The following ST3GAL4 variants were observed in gnomAD, a reference collection of about 807,000 sequenced individuals.
ST3GAL4 encodes the protein CMP-N-acetylneuraminate-beta-galactosamide-alpha-2,3-sialyltransferase 4.
In ST3GAL4, 24 loss-of-function variants were observed where a neutral mutation model predicts 42.6. That is an observed-to-expected ratio of 0.56 (90% CI 0.41 to 0.79). ST3GAL4 has a LOEUF of 0.79. Among genes scored for constraint, ST3GAL4 ranks in the 30% least tolerant of loss-of-function variants. ST3GAL4 has a pLI of 0.00. For missense variants in ST3GAL4, 311 were observed against 430.8 expected, an observed-to-expected ratio of 0.72 and a Z score of 2.46; for synonymous variants, 135 against 163.2, an observed-to-expected ratio of 0.83 and a Z score of 1.32.
rs1952933686 is a variant in ST3GAL4 at position 126,379,820 on chromosome 11, A to G, written c.-61+23978A>G. Reference sequence around the variant, plus strand: ...AATCACATGTGGATTGACAAGTCCAAAACTCTAAGAGAGCTCTCATTAGCT... The same window carrying G: ...AATCACATGTGGATTGACAAGTCCAGAACTCTAAGAGAGCTCTCATTAGCT... On this transcript the variant is annotated intron_variant, in intron 1 of 10. Coordinates refer to ENST00000444328, the MANE Select transcript of ST3GAL4 (RefSeq NM_001254757.2). The surrounding 1 kb of genome is among the most constrained non-coding windows in gnomAD (Gnocchi z 4.2). Among the ~76,000 whole-genome samples, 1 of 152,136 alleles carries G rather than the reference A, an allele frequency of 6.6e-6. No individual in the cohort carries two copies. The highest frequency in any genetic ancestry group is 2.4e-5 in the African/African-American group (1 of 41,420).
Position 126,386,909 on chromosome 11 carries a change from C to G in ST3GAL4, c.-60-19187C>G, listed in dbSNP as rs921229985. Among the ~76,000 whole-genome samples the G allele has an allele frequency of 6.6e-6, 1 of 152,158 alleles. No individual in the cohort carries two copies. The highest frequency in any genetic ancestry group is 1.5e-5 in the Non-Finnish European group (1 of 68,028). The stretch of plus-strand genomic sequence containing the variant: ...AACGGTAACACACACACCCCTCCCC[C>G]ACCCCGCTGGAGAAGCCCTGCACCA... On this transcript the variant is annotated intron_variant, in intron 1 of 10. Transcript: ENST00000444328. The surrounding 1 kb of genome is among the most constrained non-coding windows in gnomAD (Gnocchi z 4.7).
chr11:126,356,978 T>C (rs1952092594), intron 1 of ST3GAL4, among the ~76,000 whole-genome samples: 1 of 152,288 alleles, frequency 6.6e-6, no homozygotes. Flanking sequence ...TGATATATGC[T>C]AAGTGCTTTG....
At chr11:126,405,981 G>C in intron 1 of ST3GAL4, 115 bp from the exon 2 acceptor site, 6 of 1,263,312 alleles carry the variant, frequency 4.7e-6, no homozygotes, top group Admixed American at 2.0e-5. Context: ...GCCCCAGGGA[G>C]CAGCTTCCTG....
rs1262859349 is a variant in ST3GAL4, at chr11:126,398,197, C to G, written c.-60-7899C>G. On this transcript the variant is annotated intron_variant, in intron 1 of 10. Coordinates refer to ENST00000444328, the MANE Select transcript of ST3GAL4 (RefSeq NM_001254757.2). The surrounding 1 kb of genome is among the most constrained non-coding windows in gnomAD (Gnocchi z 4.7). ...CCCCTCCAGTCATGGGCTGTGAAAT[C>G]AAGCAAGTTGTCTGCTTCCAAAGTA... 2.0e-5 allele frequency among the ~76,000 whole-genome samples: 3 copies of G among 152,230 alleles called. No homozygotes were observed. The highest frequency in any genetic ancestry group is 1.5e-5 in the Non-Finnish European group (1 of 68,046).
intron 1 of ST3GAL4, 123 bp from the exon 2 acceptor site, chr11:126,405,973 C>T: frequency 8.5e-7 from 1 of 1,183,110 alleles, no homozygotes; most frequent in Non-Finnish European, 1.2e-6. Context: ...GGATGATTGC[C>T]CCAGGGAGCA....
intron 1 of ST3GAL4, 131 bp from the exon 2 acceptor site, chr11:126,405,965 A>G: frequency 2.7e-6 from 3 of 1,098,518 alleles, no homozygotes; most frequent in East Asian, 2.6e-5. Context: ...CACCCTCAGG[A>G]TGATTGCCCC....
At chr11:126,357,103 C>A (rs187965637) in intron 1 of ST3GAL4, among the ~76,000 whole-genome samples, 1 of 152,342 alleles carries the variant, frequency 6.6e-6, no homozygotes, top group African/African-American at 2.4e-5. Flanking sequence ...CGGGGACGTG[C>A]CCGCTGTTTG....
rs1555086841 is a variant in ST3GAL4 at position 126,390,629 on chromosome 11, T to TTA, written c.-60-15466_-60-15465insAT. On this transcript the variant is annotated intron_variant, in intron 1 of 10. Coordinates refer to ENST00000444328, the MANE Select transcript of ST3GAL4 (RefSeq NM_001254757.2). ...TTTTGTGTTCTTTGCTTTTTTTTTT[T>TTA]TTTTTTTTATTTCTTTGATTGTTTT... is the stretch of plus-strand genomic sequence containing the variant. 3.4e-3 allele frequency among the ~76,000 whole-genome samples: 511 copies of TTA among 151,320 alleles called. 6 individuals carry two copies. The highest frequency in any genetic ancestry group is 0.011 in the African/African-American group (436 of 41,148).
intron 8 of ST3GAL4, among the ~76,000 whole-genome samples, chr11:126,408,966 T>G (rs553352948): frequency 6.6e-6 from 1 of 152,336 alleles, no homozygotes; most frequent in South Asian, 2.1e-4. Context: ...TTAGACAGCC[T>G]AAAACTTTAG....
Position 126,400,207 on chromosome 11 carries a change from C to T in ST3GAL4, c.-60-5889C>T, listed in dbSNP as rs1488327315. Among the ~76,000 whole-genome samples the T allele has an allele frequency of 6.6e-6, 1 of 152,212 alleles. No homozygotes were observed. The highest frequency in any genetic ancestry group is 1.5e-5 in the Non-Finnish European group (1 of 68,042). On this transcript the variant is annotated intron_variant, in intron 1 of 10. Coordinates refer to ENST00000444328, the MANE Select transcript of ST3GAL4 (RefSeq NM_001254757.2). The surrounding 1 kb of genome is among the most constrained non-coding windows in gnomAD (Gnocchi z 4.6). ...TTCTGGAGGCTGGGAAGTCCAAGATCAAGGGGCTGCTCTGGCAAGGGCCTT... is the reference window on the plus strand; with the variant it reads ...TTCTGGAGGCTGGGAAGTCCAAGATTAAGGGGCTGCTCTGGCAAGGGCCTT...
chr11:126,377,771 G>T lies in ST3GAL4; in HGVS notation c.-61+21929G>T, dbSNP rs547946420. Among the ~76,000 whole-genome samples the T allele has an allele frequency of 5.3e-5, 8 of 152,262 alleles. No homozygotes were observed. In the East Asian group the frequency reaches 1.4e-3, roughly 26 times the overall value. ...GATTATAGGCGTGAGCCATGCGCTC[G>T]GCCAGCAACACCTTTCTACCAATTA... On this transcript the variant is annotated intron_variant, in intron 1 of 10. Coordinates refer to ENST00000444328, the MANE Select transcript of ST3GAL4 (RefSeq NM_001254757.2).
chr11:126,379,807 A>G lies in ST3GAL4; in HGVS notation c.-61+23965A>G, dbSNP rs959299963. ...ATCCTTAATTTTAAATCACATGTGG[A>G]TTGACAAGTCCAAAACTCTAAGAGA... On this transcript the variant is annotated intron_variant, in intron 1 of 10. Coordinates refer to ENST00000444328, the MANE Select transcript of ST3GAL4 (RefSeq NM_001254757.2). This position sits in a 1 kb window ranked among gnomAD's most constrained non-coding sequence, Gnocchi z 4.2. Among the ~76,000 whole-genome samples, 2 of 152,108 alleles carry G rather than the reference A, an allele frequency of 1.3e-5. No homozygotes were observed. Among genetic ancestry groups the G allele is most frequent in the Non-Finnish European group, 2.9e-5 (2 of 68,012 alleles).
Position 126,372,406 on chromosome 11 carries a change from T to G in ST3GAL4, c.-61+16564T>G, listed in dbSNP as rs186664583. Among the ~76,000 whole-genome samples the G allele has an allele frequency of 4.9e-3, 745 of 151,100 alleles. 8 individuals carry two copies. Among genetic ancestry groups the G allele is most frequent in the African/African-American group, 0.016 (675 of 41,418 alleles). On this transcript the variant is annotated intron_variant, in intron 1 of 10. Transcript: ENST00000444328. The stretch of plus-strand genomic sequence containing the variant: ...GTATGTCAGAATTTCTTTTTTTCTT[T>G]TCTTTTCTTTTCTTTTTTTTTTTTT...
chr11:126,387,712 TG>T, intron 1 of ST3GAL4, among the ~76,000 whole-genome samples: 1 of 151,954 alleles, frequency 6.6e-6, no homozygotes, highest in African/African-American at 2.4e-5. Context: ...GCAGTACAAA[TG>T]GGAATATGAG....
chr11:126,401,215 C>G (rs1953975194), intron 1 of ST3GAL4, among the ~76,000 whole-genome samples: 1 of 151,822 alleles, frequency 6.6e-6, no homozygotes, highest in Admixed American at 6.6e-5. Context: ...TGAACTTGTC[C>G]CCTGAAAATG....
intron 1 of ST3GAL4, among the ~76,000 whole-genome samples, chr11:126,367,520 C>T (rs1443300644): frequency 1.3e-5 from 2 of 152,168 alleles, no homozygotes; most frequent in African/African-American, 2.4e-5. Flanking sequence ...GACCAGGTGT[C>T]GCTGGTACCT....
rs545329750 is a variant in ST3GAL4 at position 126,366,869 on chromosome 11, G to A, written c.-61+11027G>A. Among the ~76,000 whole-genome samples the A allele has an allele frequency of 4.6e-5, 7 of 152,322 alleles. No homozygotes were observed. The highest frequency in any genetic ancestry group is 1.7e-4 in the African/African-American group (7 of 41,576). On this transcript the variant is annotated intron_variant, in intron 1 of 10. Transcript: ENST00000444328. This position sits in a 1 kb window ranked among gnomAD's most constrained non-coding sequence, Gnocchi z 4.2. The stretch of plus-strand genomic sequence containing the variant: ...CTCCAAAACTCTTAAAAGCAGAGCC[G>A]AGAGCCTGAATTCAGAGGCTGTACT...
At chr11:126,395,387 G>C (rs1953704540) in intron 1 of ST3GAL4, among the ~76,000 whole-genome samples, 1 of 152,176 alleles carries the variant, frequency 6.6e-6, no homozygotes, top group Non-Finnish European at 1.5e-5. Flanking sequence ...GCTGGACGGA[G>C]AGAGATAGCC....
At chr11:126,404,264 T>G (rs1190756733) in intron 1 of ST3GAL4, among the ~76,000 whole-genome samples, 4 of 152,206 alleles carry the variant, frequency 2.6e-5, no homozygotes, top group African/African-American at 2.4e-5. Context: ...TGGCCTTTTT[T>G]GAGCAGTGGG....
Sources: gnomAD v4.1 joint callset for allele counts (sites outside exome capture counted in the v4.1 genomes callset) on GRCh38, gnomAD v4.1.1 for gene constraint, Gnocchi (gnomAD v3.1) non-coding constraint, MANE v1.5 for transcripts, NCBI Gene and HGNC (gene_info 2026-07-23, HGNC 2026-07-21) for gene names.